INTS1: variants seen among roughly 807,000 people sequenced by gnomAD.
INTS1 encodes integrator complex subunit 1.
INTS1 carries 137 observed loss-of-function variants against 241.6 expected under a neutral mutation model. The ratio of observed to expected loss-of-function variants is 0.57; its 90% confidence interval spans 0.49 to 0.65. The LOEUF (loss-of-function observed/expected upper bound fraction) is 0.65, where lower values mean the gene tolerates loss of function less well. Among genes scored for constraint, INTS1 ranks in the 30% least tolerant of loss-of-function variants. The probability of loss-of-function intolerance (pLI) is 0.00; values close to 1 mark genes in which losing one functional copy is unlikely to be tolerated. For synonymous variants in INTS1, 1,692 were observed against 1,337.8 expected (o/e 1.26, Z -5.78); for missense variants, 3,073 against 3,032.2 (o/e 1.01, Z -0.32).
At chr7:1,485,544 C>A (rs772283736) in intron 22 of INTS1, 75 bp from the exon 23 acceptor site, 3 of 1,462,468 alleles carry the variant, frequency 2.1e-6, no homozygotes, top group East Asian at 2.5e-5. Flanking sequence ...CGGGAGCACA[C>A]GCATGGTGCC....
In INTS1 at chr7:1,480,755, C is replaced by G; in HGVS notation, c.3949+80G>C. On this transcript the variant is annotated intron_variant, in intron 29 of 47. Transcript: ENST00000404767. The stretch of plus-strand genomic sequence containing the variant: ...TGTGTGGCTGTGCAGGCCCCGTCCC[C>G]CTCCCCAGGCTGGGTCTCTGTGTTG... 4.2e-6 allele frequency: 5 copies of G among 1,182,592 alleles called. No homozygotes were observed. The South Asian group carries it at 6.9e-5, about 16-fold the overall frequency. 73.3% of individuals were successfully genotyped at this position (1,182,592 alleles called of 1,614,324 possible).
At chr7:1,478,177 A>G (rs1322572520) in intron 33 of INTS1, among the ~76,000 whole-genome samples, 189 bp downstream of exon 33, 4 of 151,764 alleles carry the variant, frequency 2.6e-5, no homozygotes, top group African/African-American at 9.7e-5. Flanking sequence ...GGGGCCCCCC[A>G]AGGAGGAAGC....
chr7:1,498,628 C>T (rs556344719), intron 9 of INTS1, 75 bp from the exon 10 acceptor site: 158 of 1,554,650 alleles, frequency 1.0e-4, no homozygotes, highest in South Asian at 1.1e-4. Context: ...CCACTCCGCC[C>T]GCACCCCCGC....
At chr7:1,498,083 G>T (rs1481003689) in intron 10 of INTS1, among the ~76,000 whole-genome samples, 1 of 152,218 alleles carries the variant, frequency 6.6e-6, no homozygotes, top group African/African-American at 2.4e-5. Flanking sequence ...CTATCCAAAG[G>T]CAGGAATGAG....
In INTS1 at chr7:1,473,342, G is replaced by A. The variant is rs187060037; in HGVS notation, c.5958-158C>T. Reference sequence around the variant, plus strand: ...GGCCGGGCGGGGAAGCCACATGTGCGTGGAACGGGACAGAGAGCCAGAGAG... The same window carrying A: ...GGCCGGGCGGGGAAGCCACATGTGCATGGAACGGGACAGAGAGCCAGAGAG... On this transcript the variant is annotated intron_variant, in intron 42 of 47. Coordinates refer to ENST00000404767, the MANE Select transcript of INTS1 (RefSeq NM_001080453.3). Among the ~76,000 whole-genome samples the A allele has an allele frequency of 3.0e-3, 453 of 152,304 alleles. 1 individual carries two copies. Among genetic ancestry groups the A allele is most frequent in the African/African-American group, 9.9e-3 (410 of 41,564 alleles).
chr7:1,489,874 GCTCTGTCCTTACCTTTCTAAGT>G (rs569908992), intron 16 of INTS1, among the ~76,000 whole-genome samples, 192 bp from the exon 17 acceptor site: 133 of 152,300 alleles, frequency 8.7e-4, no homozygotes, highest in Admixed American at 2.0e-3. Flanking sequence ...CCCGACTCCG[GCTCTGTCCTTACCTTTCTAAGT>G]CTCTGTTTCC....
rs1401391823 is a variant in INTS1 at position 1,497,130 on chromosome 7, G to A, written c.1602+8C>T. On this transcript the variant is annotated splice_region_variant and intron_variant, in intron 11 of 47. Transcript: ENST00000404767. This position sits in a 1 kb window ranked among gnomAD's most constrained non-coding sequence, Gnocchi z 5.3. ...AGGGAAAGGCGCCCCAGCGGCGAGG[G>A]CTGGCACCTTGAACTCCATCTCCAG... 7 of 1,597,414 alleles carry A rather than the reference G, an allele frequency of 4.4e-6. No homozygotes were observed. The highest frequency in any genetic ancestry group is 6.0e-6 in the Non-Finnish European group (7 of 1,173,610).
At position 1,502,988 on chromosome 7, in the gene INTS1, C is replaced by T. The variant is rs1451479053; in HGVS notation, c.262G>A (p.Ala88Thr). Residue 88 changes from alanine (A) to threonine (T), a missense_variant, in exon 3 of 48, where the codon GCC becomes ACC. By Grantham distance (58) the Ala-to-Thr change is moderately conservative. Transcript: ENST00000404767. The part of the protein sequence containing the change: ...PKLSSTPPLS[A>T]LGRLAEAAVA... ...GCAGCCTCAGCCAGGCGCCCCAGGG[C>T]ACTCAGAGGGGGTGTGGAGGAGAGT... 1 of 1,613,818 alleles carries T rather than the reference C, an allele frequency of 6.2e-7. No individual in the cohort carries two copies. The highest frequency in any genetic ancestry group is 2.2e-5 in the East Asian group (1 of 44,874).
In INTS1 at chr7:1,495,503, C is replaced by G. The variant is rs1175263870; in HGVS notation, c.1762G>C (p.Asp588His). Residue 588 changes from aspartate (D) to histidine (H), a missense_variant, in exon 13 of 48, where the codon GAT becomes CAT. Coordinates refer to ENST00000404767, the MANE Select transcript of INTS1 (RefSeq NM_001080453.3). ...ACAGTGTGGAGCCACCAGACGGCATCCCGCTGGATGGCGGCAATCTGGTTC... is the reference window on the plus strand; with the variant it reads ...ACAGTGTGGAGCCACCAGACGGCATGCCGCTGGATGGCGGCAATCTGGTTC... Reference protein sequence around the residue: ...FQNQIAAIQRDAVWWLHTVVP... With the variant: ...FQNQIAAIQRHAVWWLHTVVP... 5 of 1,612,718 alleles carry G rather than the reference C, an allele frequency of 3.1e-6. No individual in the cohort carries two copies.
rs368503457 is a variant in INTS1, at chr7:1,474,820, G to A, written c.5521C>T (p.Arg1841Cys). The A allele has an allele frequency of 1.3e-5, 20 of 1,590,034 alleles. No homozygotes were observed. Among genetic ancestry groups the A allele is most frequent in the African/African-American group, 8.1e-5 (6 of 74,474 alleles). Residue 1841 changes from arginine (R) to cysteine (C), a missense_variant, in exon 40 of 48, where the codon CGC (arginine) becomes TGC (cysteine). Coordinates refer to ENST00000404767, the MANE Select transcript of INTS1 (RefSeq NM_001080453.3). ...GTGTCCGCAAGGAGCGTGATGAAGC[G>A]GTGGATGAGTCCGTCCAGCTGCAGG... ...SVCKLDGLIH[R>C]FITLLADTSD...
rs778029374 is a variant in INTS1 at position 1,473,610 on chromosome 7, G to A, written c.5913C>T (p.Ala1971=). 60 of 1,611,590 alleles carry A rather than the reference G, an allele frequency of 3.7e-5. No homozygotes were observed. In the East Asian group the frequency reaches 8.3e-4, roughly 22 times the overall value. Residue 1971 remains alanine, a synonymous_variant, in exon 42 of 48, where the codon GCC becomes GCT. Coordinates refer to ENST00000404767, the MANE Select transcript of INTS1 (RefSeq NM_001080453.3). ...TCTGCAGGAAGGAGATGGCTGCTGG[G>A]GCATTGTAGGTAATGTACTTATGGA... ...QFIHKYITYN[A]PAAISFLQKH... is the part of the protein sequence containing the mutation.
In INTS1 at chr7:1,484,087, G is replaced by C. The variant is rs755909395; in HGVS notation, c.3345C>G (p.Ala1115=). 1.9e-6 allele frequency: 3 copies of C among 1,612,490 alleles called. No individual in the cohort carries two copies. Among genetic ancestry groups the C allele is most frequent in the Non-Finnish European group, 1.7e-6 (2 of 1,179,772 alleles). ...AGATGGACAACAGAGCGCTCAGCAC[G>C]GCGTCCGACGCGGCACTCGGGGAGA... is the stretch of plus-strand genomic sequence containing the variant. ...SKLSPSAASD[A]VLSALLSIFS... The change falls in exon 25 of 48, where the codon GCC becomes GCG. Residue 1115 remains alanine, a synonymous_variant. Coordinates refer to ENST00000404767, the MANE Select transcript of INTS1 (RefSeq NM_001080453.3).
In INTS1 at chr7:1,477,889, G is replaced by C; in HGVS notation, c.4678C>G (p.Leu1560Val). 6.2e-7 allele frequency: 1 copy of C among 1,612,646 alleles called. No individual in the cohort carries two copies. Among genetic ancestry groups the C allele is most frequent in the Non-Finnish European group, 8.5e-7 (1 of 1,179,846 alleles). ...EVRSPHLEEL[L>V]TAFFSATADA... Reference sequence around the variant, plus strand: ...GCAGTGGCAGAGAAGAATGCAGTCAGCAGCTCCTCCAGGTGGGGGGACCTC... The same window carrying C: ...GCAGTGGCAGAGAAGAATGCAGTCACCAGCTCCTCCAGGTGGGGGGACCTC... Residue 1560 changes from leucine (L) to valine (V), a missense_variant, in exon 34 of 48, where the codon CTG (leucine) becomes GTG (valine). Transcript: ENST00000404767.
chr7:1,496,366 CGGG>C lies in INTS1; in HGVS notation c.1603-105_1603-103del, dbSNP rs1330665920. The C allele has an allele frequency of 7.8e-5, 36 of 463,446 alleles. No individual in the cohort carries two copies. The African/African-American group carries it at 8.4e-4, about 11-fold the overall frequency. The allele number at this position is 463,446 out of a possible 1,614,324, so 28.7% of individuals were successfully genotyped here. On this transcript the variant is annotated intron_variant, in intron 11 of 47. Transcript: ENST00000404767. ...GGGGTCTGTATCCAGAAGGGACACC[CGGG>C]AGCCCCACTCCACACCCACGTGGGC...
Position 1,497,849 on chromosome 7 carries a change from A to G in INTS1, c.1426-535T>C, listed in dbSNP as rs1200030238. On this transcript the variant is annotated intron_variant, in intron 10 of 47. Transcript: ENST00000404767. The surrounding 1 kb of genome is among the most constrained non-coding windows in gnomAD (Gnocchi z 5.3). The stretch of plus-strand genomic sequence containing the variant: ...ATCTCCCGAGCCCGCTTCAAAGGAG[A>G]CACGGAAATCCAAGGGTCCTACAGC... Among the ~76,000 whole-genome samples the G allele has an allele frequency of 6.6e-6, 1 of 152,342 alleles. No homozygotes were observed. Among genetic ancestry groups the G allele is most frequent in the Admixed American group, 6.5e-5 (1 of 15,296 alleles).
At chr7:1,471,008 C>A in intron 46 of INTS1, 53 bp from the exon 47 acceptor site, 1 of 1,519,426 alleles carries the variant, frequency 6.6e-7, no homozygotes, top group South Asian at 1.2e-5. Context: ...CCACGCCAGA[C>A]CCCCACCCGA....
At position 1,493,856 on chromosome 7, in the gene INTS1, T is replaced by G; in HGVS notation, c.1966A>C (p.Ile656Leu). 1.3e-6 allele frequency: 2 copies of G among 1,567,818 alleles called. No individual in the cohort carries two copies. The highest frequency in any genetic ancestry group is 1.7e-6 in the Non-Finnish European group (2 of 1,157,256). The change falls in exon 15 of 48, where the codon ATC (isoleucine) becomes CTC (leucine). Residue 656 changes from isoleucine to leucine, a missense_variant. Physicochemically the swap from Ile to Leu is conservative, Grantham distance 5. Transcript: ENST00000404767. The surrounding 1 kb of genome is among the most constrained non-coding windows in gnomAD (Gnocchi z 5.3). ...VPILEDTLMR[I>L]LVIGLSRELP... The stretch of plus-strand genomic sequence containing the variant: ...TCCCGGGACAGCCCGATGACCAGGA[T>G]GCGCATCAGCGTGTCCTCCAAAATG...
chr7:1,497,397 T>C lies in INTS1; in HGVS notation c.1426-83A>G. 3.5e-6 allele frequency: 5 copies of C among 1,448,546 alleles called. No individual in the cohort carries two copies. The highest frequency in any genetic ancestry group is 2.4e-5 in the East Asian group (1 of 41,804). The allele number at this position is 1,448,546 out of a possible 1,614,324, so 89.7% of individuals were successfully genotyped here. On this transcript the variant is annotated intron_variant, in intron 10 of 47. Transcript: ENST00000404767. The surrounding 1 kb of genome is among the most constrained non-coding windows in gnomAD (Gnocchi z 5.3). Reference sequence around the variant, plus strand: ...CCCCTTCCCGCAGCACCAACAGGTATGGCGCCCGAGGGCGCTGCAGTGGGT... The same window carrying C: ...CCCCTTCCCGCAGCACCAACAGGTACGGCGCCCGAGGGCGCTGCAGTGGGT...
In INTS1 at chr7:1,470,538, G is replaced by C; in HGVS notation, c.*39C>G. The C allele has an allele frequency of 6.9e-7, 1 of 1,448,160 alleles. No homozygotes were observed. Among genetic ancestry groups the C allele is most frequent in the Admixed American group, 2.1e-5 (1 of 47,522 alleles). The allele number at this position is 1,448,160 out of a possible 1,614,324, so 89.7% of individuals were successfully genotyped here. A position where few individuals can be genotyped will look rare whatever the true frequency, so the allele number is the denominator to read the frequency against. ...TTGCCTCGAGGATCCCCGGGGACGG[G>C]ACGGGCCGGGGCTTGGAGGGGGGTC... is the stretch of plus-strand genomic sequence containing the variant. On this transcript the variant is annotated 3_prime_UTR_variant, in exon 48 of 48. Coordinates refer to ENST00000404767, the MANE Select transcript of INTS1 (RefSeq NM_001080453.3).
Sources: gnomAD v4.1 joint callset for allele counts (sites outside exome capture counted in the v4.1 genomes callset) on GRCh38, gnomAD v4.1.1 for gene constraint, Gnocchi (gnomAD v3.1) non-coding constraint, MANE v1.5 for transcripts, NCBI Gene and HGNC (gene_info 2026-07-23, HGNC 2026-07-21) for gene names.